ZNF532: variants seen among roughly 807,000 people sequenced by gnomAD.
ZNF532 encodes zinc finger protein 532.
Under a neutral mutation model 89.3 loss-of-function variants are expected in ZNF532, and 22 were observed. That is an observed-to-expected ratio of 0.25 (90% CI 0.18 to 0.35). The LOEUF is 0.35. Among genes scored for constraint, ZNF532 ranks in the 10% least tolerant of loss-of-function variants. ZNF532 has a pLI of 1.00. For missense variants in ZNF532, 1,132 were observed against 1,643.4 expected (o/e 0.69, Z 5.38); for synonymous variants, 606 against 649.6 (o/e 0.93, Z 1.02).
At chr18:58,916,529 C>T (rs1025368976) in intron 2 of ZNF532, among the ~76,000 whole-genome samples, 5 of 152,156 alleles carry the variant, frequency 3.3e-5, no homozygotes, top group Admixed American at 2.6e-4. Flanking sequence ...GAAGAGTGGT[C>T]ACAGAATGTT....
chr18:58,887,715 T>C (rs547701520), intron 2 of ZNF532, among the ~76,000 whole-genome samples: 2 of 152,302 alleles, frequency 1.3e-5, no homozygotes, highest in East Asian at 3.9e-4. Flanking sequence ...GGGACCGTCA[T>C]GCAGGACTAG....
At chr18:58,963,639 G>GTGTGTGTGTA (rs2065596224) in intron 7 of ZNF532, among the ~76,000 whole-genome samples, 1 of 127,896 alleles carries the variant, frequency 7.8e-6, no homozygotes, top group Non-Finnish European at 1.8e-5. Context: ...GTGTGTGTGT[G>GTGTGTGTGTA]TGTGTGTATG....
chr18:58,901,323 C>T lies in ZNF532; in HGVS notation c.-17-16948C>T, dbSNP rs142339506. Among the ~76,000 whole-genome samples the T allele has an allele frequency of 1.1e-4, 16 of 152,278 alleles. No individual in the cohort carries two copies. The East Asian group carries it at 2.9e-3, about 28-fold the overall frequency. On this transcript the variant is annotated intron_variant, in intron 2 of 9. Coordinates refer to ENST00000591808, the MANE Select transcript of ZNF532 (RefSeq NM_001375912.1). ...GCCAGGTTGGTCCTGAACGGCTGAC[C>T]TCAGTCCTCCCGCCTCAGCCTTCCA...
In ZNF532 at chr18:58,984,541, A is replaced by T. The variant is rs1346944743; in HGVS notation, c.*75A>T. 7 of 1,516,438 alleles carry T rather than the reference A, an allele frequency of 4.6e-6. No homozygotes were observed. The Admixed American group carries it at 1.5e-4, about 32-fold the overall frequency. 93.9% of individuals were successfully genotyped at this position (1,516,438 alleles called of 1,614,324 possible). ...ACATTTTTGTTACAAAGTTTGCAGT[A>T]TAATAGAGTTAACAGTACTGTCTAG... is the stretch of plus-strand genomic sequence containing the variant. On this transcript the variant is annotated 3_prime_UTR_variant, in exon 10 of 10. Transcript: ENST00000591808.
intron 2 of ZNF532, among the ~76,000 whole-genome samples, chr18:58,866,962 C>T (rs1402192127): frequency 6.6e-6 from 1 of 152,268 alleles, no homozygotes; most frequent in African/African-American, 2.4e-5. Context: ...AATTCTCCAT[C>T]ATTTCTGACT....
chr18:58,906,602 A>T (rs2059951262), intron 2 of ZNF532, among the ~76,000 whole-genome samples: 1 of 152,002 alleles, frequency 6.6e-6, no homozygotes, highest in Non-Finnish European at 1.5e-5. Flanking sequence ...TGTCTTCCTC[A>T]CTTTTGGTTG....
At chr18:58,911,396 A>G (rs551203765) in intron 2 of ZNF532, among the ~76,000 whole-genome samples, 12 of 151,998 alleles carry the variant, frequency 7.9e-5, no homozygotes, top group Non-Finnish European at 1.6e-4. Flanking sequence ...AAAAGGGGGG[A>G]TGGAGTTTAG....
rs1275779120 is a variant in ZNF532, at chr18:58,912,887, G to GTC, written c.-17-5384_-17-5383insTC. Among the ~76,000 whole-genome samples the GTC allele has an allele frequency of 5.8e-4, 89 of 152,200 alleles. 2 individuals carry two copies. Among genetic ancestry groups the GTC allele is most frequent in the Admixed American group, 2.8e-3 (43 of 15,292 alleles). On this transcript the variant is annotated intron_variant, in intron 2 of 9. Coordinates refer to ENST00000591808, the MANE Select transcript of ZNF532 (RefSeq NM_001375912.1). ...CCTGCACTTCCTAGAGAGAGGCAGTGAACCATGGCAGCTGCTCCAGAGGCG... is the reference window on the plus strand; with the variant it reads ...CCTGCACTTCCTAGAGAGAGGCAGTGTCAACCATGGCAGCTGCTCCAGAGGCG...
At chr18:58,954,934 C>T (rs1425126141) in intron 7 of ZNF532, among the ~76,000 whole-genome samples, 3 of 152,048 alleles carry the variant, frequency 2.0e-5, no homozygotes, top group East Asian at 3.9e-4. Context: ...AGGCTGGTCT[C>T]GAACTCCTGG....
upstream of ZNF532, chr18:58,864,332 G>C (rs968357715): frequency 2.6e-5 from 4 of 151,374 alleles, no homozygotes; most frequent in African/African-American, 7.3e-5. Context: ...GCTGGGTGGG[G>C]TGGGGGTGAC....
At chr18:58,982,450 G>A (rs1443043515) in intron 9 of ZNF532, among the ~76,000 whole-genome samples, 2 of 151,918 alleles carry the variant, frequency 1.3e-5, no homozygotes, top group East Asian at 2.0e-4. Flanking sequence ...GTGAAACCCC[G>A]TCTCTACTAA....
Position 58,919,475 on chromosome 18 carries a change from A to G in ZNF532, c.1188A>G (p.Thr396=). The part of the protein sequence containing the change: ...LDSGKKPSEQ[T]ASVMASVTSL... ...CTGGAAAGAAACCTTCCGAGCAGAC[A>G]GCGTCCGTGATGGCCTCTGTGACAT... The change falls in exon 3 of 10, where the codon ACA becomes ACG. Residue 396 remains threonine, a synonymous_variant. Coordinates refer to ENST00000591808, the MANE Select transcript of ZNF532 (RefSeq NM_001375912.1). This position sits in a 1 kb window ranked among gnomAD's most constrained non-coding sequence, Gnocchi z 6.1. 2 of 1,614,238 alleles carry G rather than the reference A, an allele frequency of 1.2e-6. No homozygotes were observed. The highest frequency in any genetic ancestry group is 1.6e-4 in the Middle Eastern group (1 of 6,062).
intron 3 of ZNF532, chr18:58,934,166 A>G: frequency 5.8e-6 from 2 of 345,362 alleles, no homozygotes; most frequent in Non-Finnish European, 1.1e-5. Context: ...TGCAAAAGTA[A>G]TGGAATTGGA....
At chr18:58,962,798 TCAC>T (rs2065493415) in intron 7 of ZNF532, among the ~76,000 whole-genome samples, 1 of 152,142 alleles carries the variant, frequency 6.6e-6, no homozygotes, top group Non-Finnish European at 1.5e-5. Flanking sequence ...AGACGGGGTT[TCAC>T]CATGTTAGCC....
At chr18:58,900,028 T>C (rs1397573426) in intron 2 of ZNF532, among the ~76,000 whole-genome samples, 1 of 152,234 alleles carries the variant, frequency 6.6e-6, no homozygotes, top group Non-Finnish European at 1.5e-5. Context: ...CCTCTCCTTG[T>C]AGCATCTCTG....
Position 58,910,178 on chromosome 18 carries a change from G to C in ZNF532, c.-17-8093G>C, listed in dbSNP as rs890069734. ...CACATCTTGTAATTCTAACACACTT[G>C]TGAAAACTAAAAAATTATCATTCGT... On this transcript the variant is annotated intron_variant, in intron 2 of 9. Coordinates refer to ENST00000591808, the MANE Select transcript of ZNF532 (RefSeq NM_001375912.1). Among the ~76,000 whole-genome samples, 4 of 152,178 alleles carry C rather than the reference G, an allele frequency of 2.6e-5. No homozygotes were observed. The South Asian group carries it at 6.2e-4, about 24-fold the overall frequency.
intron 2 of ZNF532, among the ~76,000 whole-genome samples, chr18:58,888,760 TA>T (rs1274151837): frequency 0.34 from 2,149 of 6,414 alleles, 295 homozygotes; most frequent in Non-Finnish European, 0.38. Context: ...TATATAAAAT[TA>T]ATATATATAA....
chr18:58,928,116 G>A (rs2061674012), intron 3 of ZNF532, among the ~76,000 whole-genome samples: 1 of 151,930 alleles, frequency 6.6e-6, no homozygotes, highest in Admixed American at 6.6e-5. Flanking sequence ...CTCTGTTTAT[G>A]TTTTGAACAG....
rs541190009 is a variant in ZNF532, at chr18:58,895,223, C to A, written c.-17-23048C>A. On this transcript the variant is annotated intron_variant, in intron 2 of 9. Coordinates refer to ENST00000591808, the MANE Select transcript of ZNF532 (RefSeq NM_001375912.1). The stretch of plus-strand genomic sequence containing the variant: ...CTCCACTGAGCAGTAGCTGCGTCGT[C>A]TTCTAGATGCTTGCAGCCTCTGTCT... 2.6e-5 allele frequency among the ~76,000 whole-genome samples: 4 copies of A among 152,304 alleles called. No homozygotes were observed. In the South Asian group the frequency reaches 8.3e-4, roughly 32 times the overall value.
Sources: gnomAD v4.1 joint callset for allele counts (sites outside exome capture counted in the v4.1 genomes callset) on GRCh38, gnomAD v4.1.1 for gene constraint, Gnocchi (gnomAD v3.1) non-coding constraint, MANE v1.5 for transcripts, NCBI Gene and HGNC (gene_info 2026-07-23, HGNC 2026-07-21) for gene names.